MAP2: variants seen among roughly 807,000 people sequenced by gnomAD.
MAP2 encodes the protein microtubule associated protein 2.
A neutral mutation model predicts 137.6 loss-of-function variants in MAP2; 14 were observed. The ratio of observed to expected loss-of-function variants is 0.10; its 90% CI spans 0.07 to 0.16. The LOEUF is 0.16. Among genes scored for constraint, MAP2 ranks in the 10% least tolerant of loss-of-function variants. The probability of loss-of-function intolerance (pLI) is 1.00; values close to 1 mark genes in which losing one functional copy is unlikely to be tolerated. For synonymous variants in MAP2, 786 were observed against 782.3 expected (o/e 1.00, Z -0.08); for missense variants, 2,088 against 2,191.5 (o/e 0.95, Z 0.94).
intron 4 of MAP2, 71 bp from the exon 5 acceptor site, chr2:209,653,071 C>A: frequency 8.0e-7 from 1 of 1,257,766 alleles, no homozygotes; most frequent in Non-Finnish European, 1.1e-6. Flanking sequence ...CAAATTTTTC[C>A]TATCTTGGTA....
intron 13 of MAP2, among the ~76,000 whole-genome samples, chr2:209,718,786 T>C (rs2068853753): frequency 6.6e-6 from 1 of 152,238 alleles, no homozygotes; most frequent in Non-Finnish European, 1.5e-5. Flanking sequence ...TAAAAAATTT[T>C]AAAGAAACTA....
At chr2:209,630,402 G>A (rs1254784176) in intron 4 of MAP2, among the ~76,000 whole-genome samples, 1 of 152,090 alleles carries the variant, frequency 6.6e-6, no homozygotes, top group African/African-American at 2.4e-5. Flanking sequence ...CAACTCTCAA[G>A]TGTGCTTTCT....
intron 1 of MAP2, among the ~76,000 whole-genome samples, chr2:209,492,468 G>T (rs1357680484): frequency 6.6e-6 from 1 of 152,062 alleles, no homozygotes; most frequent in Non-Finnish European, 1.5e-5. Context: ...AGAAATAAAG[G>T]GTATTCACTT....
At chr2:209,480,283 A>T (rs572833920) in intron 1 of MAP2, among the ~76,000 whole-genome samples, 1 of 152,240 alleles carries the variant, frequency 6.6e-6, no homozygotes, top group African/African-American at 2.4e-5. Flanking sequence ...TTAGTACTAT[A>T]CCCTTTAGCT....
chr2:209,645,702 G>C (rs563417183), intron 4 of MAP2, among the ~76,000 whole-genome samples: 35 of 152,244 alleles, frequency 2.3e-4, no homozygotes, highest in African/African-American at 8.2e-4. Context: ...AATATGTACA[G>C]TTATGTATTT....
chr2:209,538,594 A>G (rs979782119), intron 2 of MAP2, among the ~76,000 whole-genome samples: 2 of 150,862 alleles, frequency 1.3e-5, no homozygotes, highest in Middle Eastern at 3.4e-3. Context: ...ACAGTAATAA[A>G]TTGGTTTTGG....
intron 2 of MAP2, among the ~76,000 whole-genome samples, chr2:209,546,033 CTTGGG>C: frequency 6.6e-6 from 1 of 152,154 alleles, no homozygotes; most frequent in Non-Finnish European, 1.5e-5. Context: ...GTCCCAGCTA[CTTGGG>C]AGGCTGAGGC....
chr2:209,715,637 C>G (rs894584804), intron 13 of MAP2, among the ~76,000 whole-genome samples: 1 of 151,970 alleles, frequency 6.6e-6, no homozygotes, highest in Non-Finnish European at 1.5e-5. Flanking sequence ...AGGAAAGTCC[C>G]GAGAAGGTGA....
chr2:209,622,299 C>A (rs879581619), intron 3 of MAP2, among the ~76,000 whole-genome samples: 9 of 152,136 alleles, frequency 5.9e-5, no homozygotes, highest in Non-Finnish European at 1.0e-4. Context: ...CTCAGAGAAG[C>A]CACAAGCCCT....
intron 2 of MAP2, among the ~76,000 whole-genome samples, chr2:209,514,933 T>G (rs1206843407): frequency 6.6e-6 from 1 of 152,152 alleles, no homozygotes. Flanking sequence ...AGGGCTTTAC[T>G]TTTAGGAATG....
intron 14 of MAP2, among the ~76,000 whole-genome samples, chr2:209,726,603 A>T (rs11678292): frequency 0.97 from 146,951 of 152,202 alleles, 71,145 homozygotes; most frequent in East Asian, 1. Context: ...AATAAAAAAT[A>T]AAAAAATAAA....
At chr2:209,720,909 C>T (rs1251741080) in intron 13 of MAP2, among the ~76,000 whole-genome samples, 1 of 151,482 alleles carries the variant, frequency 6.6e-6, no homozygotes, top group Non-Finnish European at 1.5e-5. Context: ...TTAGATTTAT[C>T]CATAGAACCC....
intron 1 of MAP2, among the ~76,000 whole-genome samples, chr2:209,429,852 A>G (rs141883032): frequency 2.0e-5 from 3 of 152,274 alleles, no homozygotes; most frequent in Non-Finnish European, 2.9e-5. Context: ...CTGAAATTAC[A>G]TAATGAATTG....
intron 13 of MAP2, 50 bp downstream of exon 13, chr2:209,710,304 G>T (rs1441904253): frequency 7.1e-7 from 1 of 1,414,272 alleles, no homozygotes; most frequent in South Asian, 1.3e-5. Flanking sequence ...TTATTACATT[G>T]CCTTCTTCAT....
At chr2:209,542,243 C>G (rs1441699423) in intron 2 of MAP2, among the ~76,000 whole-genome samples, 2 of 152,180 alleles carry the variant, frequency 1.3e-5, no homozygotes, top group East Asian at 3.9e-4. Context: ...TTTTTCTGAG[C>G]AGTGGGTCTC....
chr2:209,468,040 A>G (rs1297117450), intron 1 of MAP2, among the ~76,000 whole-genome samples: 1 of 152,110 alleles, frequency 6.6e-6, no homozygotes, highest in Admixed American at 6.6e-5. Context: ...ATTTGCATGC[A>G]TATCTTACCT....
intron 1 of MAP2, among the ~76,000 whole-genome samples, chr2:209,457,287 T>C (rs1044549011): frequency 3.9e-5 from 6 of 152,194 alleles, no homozygotes; most frequent in African/African-American, 1.4e-4. Flanking sequence ...TTTCACTGGG[T>C]CTGGCAAAAT....
At position 209,695,360 on chromosome 2, in the gene MAP2, G is replaced by C. The variant is rs2059925235; in HGVS notation, c.3190G>C (p.Asp1064His). ...GATGGCTTCAGGGCTAAACATAGAT[G>C]ATAGAAGGGCAACAGAGCTAAAACT... ...GQMASGLNID[D>H]RRATELKLEA... The change falls in exon 8 of 16, where the codon GAT (aspartate) becomes CAT (histidine). Residue 1064 changes from aspartate to histidine, a missense_variant. By Grantham distance (81) the Asp-to-His change is moderately conservative. Around this residue, in one of 6 missense-constraint regions of MAP2, gnomAD observed 500 missense variants for 482.9 expected, o/e 1.04. Coordinates refer to ENST00000682079, the MANE Select transcript of MAP2 (RefSeq NM_001375505.1). 3 of 1,613,798 alleles carry C rather than the reference G, an allele frequency of 1.9e-6. No individual in the cohort carries two copies. Among genetic ancestry groups the C allele is most frequent in the Middle Eastern group, 1.7e-4 (1 of 6,058 alleles).
At chr2:209,545,299 A>G (rs1185359798) in intron 2 of MAP2, among the ~76,000 whole-genome samples, 2 of 152,186 alleles carry the variant, frequency 1.3e-5, no homozygotes, top group Non-Finnish European at 2.9e-5. Flanking sequence ...TGTAGATGAA[A>G]TCCATCTGTG....
Sources: gnomAD v4.1 joint callset for allele counts (sites outside exome capture counted in the v4.1 genomes callset) on GRCh38, gnomAD v4.1.1 for gene constraint, gnomAD v4.1.1 regional missense constraint, MANE v1.5 for transcripts, NCBI Gene and HGNC (gene_info 2026-07-23, HGNC 2026-07-21) for gene names.